WDR35: variants seen among roughly 807,000 people sequenced by gnomAD.
WDR35 encodes the protein WD repeat-containing protein 35.
A neutral mutation model predicts 158.3 loss-of-function variants in WDR35; 118 were observed. The observed-to-expected ratio is 0.75, with a 90% CI of 0.64 to 0.87. The LOEUF (loss-of-function observed/expected upper bound fraction) is 0.87, where lower values mean the gene tolerates loss of function less well. Ranked by LOEUF, WDR35 falls within the 40% of genes least tolerant of loss-of-function variation. The pLI, the probability that WDR35 is intolerant of heterozygous loss-of-function variation, is 0.00. For synonymous variants in WDR35, 448 were observed against 476.1 expected (o/e 0.94, Z 0.77); for missense variants, 1,263 against 1,405.8 (o/e 0.90, Z 1.62).
In WDR35 at chr2:19,937,814, T is replaced by A. The variant is rs1056853538; in HGVS notation, c.2196A>T (p.Lys732Asn). 44 of 1,614,064 alleles carry A rather than the reference T, an allele frequency of 2.7e-5. No homozygotes were observed. The African/African-American group carries it at 5.5e-4, about 20-fold the overall frequency. ...CGAAGTAGCCAACAACTTCAGCCTG[T>A]TTCATTGACTCACTCAGTAGTTTGC... ...RLGKLLSESM[K>N]QAEVVGYFGR... is the part of the protein sequence containing the mutation. Residue 732 changes from lysine (K) to asparagine (N), a missense_variant, in exon 19 of 27, where the codon AAA (lysine) becomes AAT (asparagine). Lys to Asn is a moderately conservative substitution (Grantham distance 94, BLOSUM62 0). Coordinates refer to ENST00000281405, the MANE Select transcript of WDR35 (RefSeq NM_020779.4).
intron 11 of WDR35, among the ~76,000 whole-genome samples, chr2:19,955,449 T>C (rs1175653832): frequency 6.6e-6 from 1 of 152,214 alleles, no homozygotes; most frequent in Non-Finnish European, 1.5e-5. Context: ...TTTTATGAAG[T>C]AGATAGTCTC....
chr2:19,941,734 A>C (rs1479269124), intron 17 of WDR35, 25 bp downstream of exon 17: 1 of 1,491,062 alleles, frequency 6.7e-7, no homozygotes, highest in African/African-American at 1.4e-5. Context: ...AGCTAGCAAC[A>C]GAAATGTAAC....
intron 1 of WDR35, among the ~76,000 whole-genome samples, chr2:19,989,567 G>T (rs1252413459): frequency 6.6e-6 from 1 of 152,190 alleles, no homozygotes; most frequent in African/African-American, 2.4e-5. Flanking sequence ...CGGGGAGAGG[G>T]TATAAATCCA....
At position 19,913,638 on chromosome 2, in the gene WDR35, T is replaced by C; in HGVS notation, c.3433A>G (p.Ser1145Gly). Residue 1145 changes from serine to glycine, a missense_variant, in exon 27 of 27, where the codon AGT (serine) becomes GGT (glycine). Coordinates refer to ENST00000281405, the MANE Select transcript of WDR35 (RefSeq NM_020779.4). ...GCAAGGACACCGTGTTTGCATACACTGCACATCCAGAATTGATACTCAGTG... is the reference window on the plus strand; with the variant it reads ...GCAAGGACACCGTGTTTGCATACACCGCACATCCAGAATTGATACTCAGTG... ...PITEYQFWMC[S>G]VCKHGVLAQE... 1 of 1,614,132 alleles carries C rather than the reference T, an allele frequency of 6.2e-7. No individual in the cohort carries two copies. Among genetic ancestry groups the C allele is most frequent in the Non-Finnish European group, 8.5e-7 (1 of 1,179,980 alleles).
chr2:19,947,514 T>C (rs565418208), intron 14 of WDR35, among the ~76,000 whole-genome samples: 136 of 152,334 alleles, frequency 8.9e-4, no homozygotes, highest in African/African-American at 3.2e-3. Context: ...AAAATTAATA[T>C]TTTCAAATCT....
intron 10 of WDR35, among the ~76,000 whole-genome samples, chr2:19,965,079 A>G (rs1671805113): frequency 6.6e-6 from 1 of 151,938 alleles, no homozygotes; most frequent in Admixed American, 6.6e-5. Context: ...TTGCGCCACC[A>G]TGCCCAGCTA....
At chr2:19,983,839 GAC>G (rs1672464553) in intron 2 of WDR35, among the ~76,000 whole-genome samples, 1 of 152,040 alleles carries the variant, frequency 6.6e-6, no homozygotes, top group Non-Finnish European at 1.5e-5. Context: ...AAATGTTGCT[GAC>G]ACACACATTA....
intron 13 of WDR35, among the ~76,000 whole-genome samples, chr2:19,951,185 T>C (rs983877296): frequency 2.0e-5 from 3 of 152,156 alleles, no homozygotes; most frequent in African/African-American, 7.2e-5. Flanking sequence ...TTTTAGATAA[T>C]ACGCTTTTCT....
chr2:19,945,469 G>A (rs1671015469), intron 16 of WDR35, among the ~76,000 whole-genome samples: 1 of 152,114 alleles, frequency 6.6e-6, no homozygotes, highest in Admixed American at 6.5e-5. Context: ...TAAGGCTACT[G>A]ATTTTGTTTT....
At chr2:19,924,287 G>A (rs1055140999) in intron 25 of WDR35, among the ~76,000 whole-genome samples, 25 of 152,146 alleles carry the variant, frequency 1.6e-4, no homozygotes, top group East Asian at 1.5e-3. Context: ...ATTGCAGGCC[G>A]GGTGCAGTGG....
intron 4 of WDR35, 75 bp downstream of exon 4, chr2:19,980,616 T>G: frequency 8.3e-7 from 1 of 1,211,822 alleles, no homozygotes; most frequent in Non-Finnish European, 1.2e-6. Flanking sequence ...TTGGAGATGT[T>G]ATTTACCCAT....
chr2:19,985,899 GAAAAAAA>G (rs70939024), intron 2 of WDR35, among the ~76,000 whole-genome samples: 9 of 71,200 alleles, frequency 1.3e-4, no homozygotes, highest in African/African-American at 4.2e-4. Flanking sequence ...CCCATCTCGG[GAAAAAAA>G]AAAAAAAAAA....
At position 19,936,216 on chromosome 2, in the gene WDR35, T is replaced by A. The variant is rs756742102; in HGVS notation, c.2414+3A>T. The stretch of plus-strand genomic sequence containing the variant: ...CTTGAGGAGCTCCAGGTAAGTTACA[T>A]ACCACTTTTGTCGATCAGCAAAGTA... On this transcript the variant is annotated splice_donor_region_variant and intron_variant, in intron 20 of 26. Coordinates refer to ENST00000281405, the MANE Select transcript of WDR35 (RefSeq NM_020779.4). The A allele has an allele frequency of 3.7e-6, 6 of 1,613,752 alleles. No homozygotes were observed. The highest frequency in any genetic ancestry group is 3.3e-5 in the South Asian group (3 of 91,076).
At chr2:19,917,611 T>C (rs1195291487) in intron 25 of WDR35, among the ~76,000 whole-genome samples, 2 of 152,246 alleles carry the variant, frequency 1.3e-5, no homozygotes, top group Middle Eastern at 6.8e-3. Flanking sequence ...CAAGTATCAA[T>C]AGCCAAACTG....
At chr2:19,971,577 T>A (rs552435055) in intron 8 of WDR35, among the ~76,000 whole-genome samples, 135 of 152,346 alleles carry the variant, frequency 8.9e-4, no homozygotes, top group African/African-American at 3.2e-3. Flanking sequence ...TATTCTGTCA[T>A]AGCAGCACAT....
chr2:19,969,433 AT>A, intron 9 of WDR35, 46 bp downstream of exon 9: 1 of 1,575,246 alleles, frequency 6.3e-7, no homozygotes, highest in South Asian at 1.1e-5. Context: ...TAGCAAAATT[AT>A]TTAGTAAGAA....
chr2:19,980,742 A>C lies in WDR35; in HGVS notation c.256T>G (p.Leu86Val). 1 of 1,613,844 alleles carries C rather than the reference A, an allele frequency of 6.2e-7. No homozygotes were observed. Among genetic ancestry groups the C allele is most frequent in the Non-Finnish European group, 8.5e-7 (1 of 1,179,832 alleles). Residue 86 changes from leucine to valine, a missense_variant, in exon 4 of 27, where the codon TTG becomes GTG. Transcript: ENST00000281405. ...AGCCCGTTTTCATCACTGGTAGTCA[A>C]CTTCTGATACTGCTCATTCCATGTT... ...VVTWNEQYQK[L>V]TTSDENGLII...
intron 4 of WDR35, among the ~76,000 whole-genome samples, chr2:19,979,774 C>CACAA (rs1413148520): frequency 5.9e-5 from 1 of 16,860 alleles, no homozygotes; most frequent in African/African-American, 1.3e-4. Flanking sequence ...CTATCCCCTA[C>CACAA]ACACACACAC....
chr2:19,975,696 G>A lies in WDR35; in HGVS notation c.437-33C>T, dbSNP rs759053108. On this transcript the variant is annotated intron_variant, in intron 5 of 26. Coordinates refer to ENST00000281405, the MANE Select transcript of WDR35 (RefSeq NM_020779.4). ...AAAACATTATTAAAAGTTGTTCAAG[G>A]TCATGATCCTCCAACAACGGCTTTC... 5 of 1,613,586 alleles carry A rather than the reference G, an allele frequency of 3.1e-6. No homozygotes were observed. The South Asian group carries it at 4.4e-5, about 14-fold the overall frequency.
Sources: gnomAD v4.1 joint callset for allele counts (sites outside exome capture counted in the v4.1 genomes callset) on GRCh38, gnomAD v4.1.1 for gene constraint, MANE v1.5 for transcripts, NCBI Gene and HGNC (gene_info 2026-07-23, HGNC 2026-07-21) for gene names.